MBTD1: variants seen among roughly 807,000 people sequenced by gnomAD.
MBTD1 encodes the protein mbt domain containing 1.
A neutral mutation model predicts 87.8 loss-of-function variants in MBTD1; 24 were observed. The ratio of observed to expected loss-of-function variants is 0.27; its 90% CI spans 0.20 to 0.38. The LOEUF (loss-of-function observed/expected upper bound fraction) is 0.38. MBTD1 is among the 10% of genes least tolerant of loss of function. The pLI is 1.00. For missense variants in MBTD1, 436 were observed against 760.2 expected (o/e 0.57, Z 5.02); for synonymous variants, 237 against 248.6 (o/e 0.95, Z 0.44).
intron 2 of MBTD1, among the ~76,000 whole-genome samples, chr17:51,228,058 T>A (rs897249721): frequency 1.3e-5 from 2 of 152,180 alleles, no homozygotes; most frequent in Non-Finnish European, 2.9e-5. Context: ...ATTCAGTTTT[T>A]AAAAAAACAT....
chr17:51,210,994 G>A lies in MBTD1; in HGVS notation c.487-3989C>T, dbSNP rs1010283732. On this transcript the variant is annotated intron_variant, in intron 6 of 16. Coordinates refer to ENST00000586178, the MANE Select transcript of MBTD1 (RefSeq NM_017643.3). Reference sequence around the variant, plus strand: ...TCTACCCAAAACACAAAAATTAGCCGGGTGTGGTGGCACGCACCTGTAGTC... The same window carrying A: ...TCTACCCAAAACACAAAAATTAGCCAGGTGTGGTGGCACGCACCTGTAGTC... Among the ~76,000 whole-genome samples the A allele has an allele frequency of 4.6e-5, 7 of 151,708 alleles. No homozygotes were observed. The East Asian group carries it at 5.8e-4, about 13-fold the overall frequency.
At chr17:51,239,990 T>C (rs2054072350) in intron 2 of MBTD1, among the ~76,000 whole-genome samples, 1 of 152,232 alleles carries the variant, frequency 6.6e-6, no homozygotes, top group Admixed American at 6.5e-5. Flanking sequence ...CCCAGGGTCA[T>C]ATATTTCATT....
At chr17:51,243,945 T>G (rs1378515699) in intron 2 of MBTD1, among the ~76,000 whole-genome samples, 1 of 152,212 alleles carries the variant, frequency 6.6e-6, no homozygotes, top group African/African-American at 2.4e-5. Context: ...CCCCATAATA[T>G]TACATTTGTC....
rs1373260922 is a variant in MBTD1, at chr17:51,223,055, C to T, written c.154+1953G>A. 1.1e-4 allele frequency among the ~76,000 whole-genome samples: 16 copies of T among 151,944 alleles called. No individual in the cohort carries two copies. The South Asian group carries it at 1.3e-3, about 12-fold the overall frequency. Reference sequence around the variant, plus strand: ...TCTTGACCTCATGATCTGCCTGCCTCGGCCTCCCAAAGTGCTGGGATTACA... The same window carrying T: ...TCTTGACCTCATGATCTGCCTGCCTTGGCCTCCCAAAGTGCTGGGATTACA... On this transcript the variant is annotated intron_variant, in intron 3 of 16. Transcript: ENST00000586178.
At chr17:51,258,771 C>G (rs952714404) in intron 2 of MBTD1, among the ~76,000 whole-genome samples, 2 of 152,156 alleles carry the variant, frequency 1.3e-5, no homozygotes, top group Non-Finnish European at 2.9e-5. Flanking sequence ...AAAACAGGCA[C>G]GAAATTCCCA....
At chr17:51,214,168 T>C (rs984589559) in intron 6 of MBTD1, among the ~76,000 whole-genome samples, 3 of 152,174 alleles carry the variant, frequency 2.0e-5, no homozygotes, top group African/African-American at 7.2e-5. Context: ...GGTCTTGCTA[T>C]GTTGACCAGG....
chr17:51,247,929 C>A (rs1247981998), intron 2 of MBTD1, among the ~76,000 whole-genome samples: 2 of 152,150 alleles, frequency 1.3e-5, no homozygotes. Context: ...TTCTTTTAAT[C>A]TCTAATGAGG....
intron 6 of MBTD1, among the ~76,000 whole-genome samples, chr17:51,215,927 A>ATTTTTTTTTTTTTTT (rs35988235): frequency 8.8e-6 from 1 of 114,208 alleles, no homozygotes; most frequent in Non-Finnish European, 1.7e-5. Context: ...TAAAGCCCTA[A>ATTTTTTTTTTTTTTT]TTTTTTTTTT....
intron 16 of MBTD1, chr17:51,184,953 G>T (rs1432818525): frequency 6.6e-6 from 1 of 152,148 alleles, no homozygotes; most frequent in Non-Finnish European, 1.5e-5. Context: ...ATTTCCTCTG[G>T]ATGTAAGAAC....
intron 6 of MBTD1, among the ~76,000 whole-genome samples, chr17:51,212,364 A>AAAG: frequency 6.6e-6 from 1 of 151,552 alleles, no homozygotes; most frequent in South Asian, 2.1e-4. Context: ...CCTCAAAAAA[A>AAAG]AAAAGAAAAG....
intron 2 of MBTD1, among the ~76,000 whole-genome samples, chr17:51,226,448 A>C (rs1173569604): frequency 6.6e-6 from 1 of 151,280 alleles, no homozygotes; most frequent in East Asian, 2.1e-4. Flanking sequence ...GGTTGCAGTG[A>C]GTTGAGATCA....
intron 12 of MBTD1, among the ~76,000 whole-genome samples, chr17:51,198,874 C>G (rs1453771061): frequency 6.6e-6 from 1 of 152,224 alleles, no homozygotes; most frequent in Non-Finnish European, 1.5e-5. Flanking sequence ...TCGATCTCAG[C>G]TCACTGCAAC....
At position 51,203,774 on chromosome 17, in the gene MBTD1, G is replaced by C; in HGVS notation, c.739+17C>G. On this transcript the variant is annotated intron_variant, in intron 8 of 16. Coordinates refer to ENST00000586178, the MANE Select transcript of MBTD1 (RefSeq NM_017643.3). ...CACATATAAAAAAATTACGGTAAGG[G>C]TAAATAAACTACTTACTTCTAGGAG... The C allele has an allele frequency of 1.2e-6, 2 of 1,601,974 alleles. No individual in the cohort carries two copies. The highest frequency in any genetic ancestry group is 1.7e-6 in the Non-Finnish European group (2 of 1,176,490).
At chr17:51,186,910 G>T (rs909066843) in intron 16 of MBTD1, among the ~76,000 whole-genome samples, 1 of 152,192 alleles carries the variant, frequency 6.6e-6, no homozygotes, top group Non-Finnish European at 1.5e-5. Flanking sequence ...CTACTTTTAG[G>T]TAGCATTTCA....
At chr17:51,192,568 T>TA in intron 15 of MBTD1, 5 of 819,368 alleles carry the variant, frequency 6.1e-6, no homozygotes, top group Non-Finnish European at 9.3e-6. Flanking sequence ...TGTGTTTCTA[T>TA]AGTCATTATG....
intron 10 of MBTD1, 104 bp downstream of exon 10, chr17:51,202,597 A>G (rs2051555699): frequency 1.2e-6 from 1 of 853,082 alleles, no homozygotes; most frequent in Non-Finnish European, 1.9e-6. Flanking sequence ...CCAAACAACT[A>G]GAATGCTATT....
At chr17:51,188,154 A>G (rs1432929271) in intron 16 of MBTD1, among the ~76,000 whole-genome samples, 1 of 152,200 alleles carries the variant, frequency 6.6e-6, no homozygotes, top group African/African-American at 2.4e-5. Context: ...GCAAGGAGCA[A>G]TGTCCACTCT....
intron 16 of MBTD1, among the ~76,000 whole-genome samples, chr17:51,190,750 A>AAAAAAATATATATATATATATAT (rs1555677185): frequency 7.6e-5 from 3 of 39,702 alleles, no homozygotes; most frequent in Admixed American, 4.1e-4. Flanking sequence ...AAAAAAAAAA[A>AAAAAAATATATATATATATATAT]ATATATATAT....
At chr17:51,190,515 G>A (rs577856985) in intron 16 of MBTD1, among the ~76,000 whole-genome samples, 7 of 150,652 alleles carry the variant, frequency 4.6e-5, no homozygotes, top group African/African-American at 1.7e-4. Context: ...TTGAGCCCAG[G>A]AGTTTGAGAC....
Sources: gnomAD v4.1 joint callset for allele counts (sites outside exome capture counted in the v4.1 genomes callset) on GRCh38, gnomAD v4.1.1 for gene constraint, MANE v1.5 for transcripts, NCBI Gene and HGNC (gene_info 2026-07-23, HGNC 2026-07-21) for gene names.